Variants in TRIM25 observed in about 807,000 individuals in gnomAD.
TRIM25 encodes the protein tripartite motif containing 25, also known as E3 ubiquitin/ISG15 ligase TRIM25.
TRIM25 carries 45 observed loss-of-function variants against 65.2 expected under a neutral mutation model. The observed-to-expected ratio is 0.69, with a 90% confidence interval of 0.54 to 0.89. The LOEUF is 0.89. Ranked by LOEUF, TRIM25 falls within the 40% of genes least tolerant of loss-of-function variation. The pLI is 0.00. For synonymous variants in TRIM25, 321 were observed against 340.4 expected, an observed-to-expected ratio of 0.94 and a Z score of 0.63; for missense variants, 714 against 803.7, an observed-to-expected ratio of 0.89 and a Z score of 1.35.
Position 56,891,091 on chromosome 17 carries a change from C to T in TRIM25, c.*609G>A, listed in dbSNP as rs566660260. On this transcript the variant is annotated 3_prime_UTR_variant, in exon 9 of 9. Transcript: ENST00000316881. ...ATGGGTGTGCAGGGTAGGAAGGGAA[C>T]GCACTATTTTCCAGTGGAGGAAGAG... 498 of 368,570 alleles carry T rather than the reference C, an allele frequency of 1.4e-3. No homozygotes were observed. The highest frequency in any genetic ancestry group is 2.2e-3 in the Non-Finnish European group (409 of 186,020). The allele number at this position is 368,570 out of a possible 1,614,324, so 22.8% of individuals were successfully genotyped here.
intron 3 of TRIM25, among the ~76,000 whole-genome samples, chr17:56,902,217 A>T (rs1227530646): frequency 6.6e-6 from 1 of 152,214 alleles, no homozygotes; most frequent in East Asian, 1.9e-4. Context: ...GCCTCAGTGC[A>T]CAGAGACAAG....
Position 56,913,838 on chromosome 17 carries a change from G to C in TRIM25, c.151C>G (p.Pro51Ala). ...GCCTGGTAGACGGCGCGGCACTGCG[G>C]GCACAGGTATGGCGAGCCCTGGACT... Reference protein sequence around the residue: ...WAVQGSPYLCPQCRAVYQARP... With the variant: ...WAVQGSPYLCAQCRAVYQARP... The change falls in exon 1 of 9, where the codon CCG (proline) becomes GCG (alanine). Residue 51 changes from proline to alanine, a missense_variant. Physicochemically the swap from Pro to Ala is conservative, Grantham distance 27. Around this residue, in one of 3 missense-constraint regions of TRIM25, gnomAD observed 291 missense variants for 281.8 expected, o/e 1.03. Transcript: ENST00000316881. This position sits in a 1 kb window ranked among gnomAD's most constrained non-coding sequence, Gnocchi z 6.1. 1.9e-6 allele frequency: 3 copies of C among 1,562,416 alleles called. No individual in the cohort carries two copies. Among genetic ancestry groups the C allele is most frequent in the Non-Finnish European group, 1.7e-6 (2 of 1,153,676 alleles).
chr17:56,910,564 C>T (rs1738960541), intron 1 of TRIM25, among the ~76,000 whole-genome samples: 1 of 152,120 alleles, frequency 6.6e-6, no homozygotes, highest in South Asian at 2.1e-4. Context: ...CACCCTGAGC[C>T]CTATATTTTG....
At chr17:56,894,897 G>T (rs1245155903) in intron 8 of TRIM25, among the ~76,000 whole-genome samples, 11 of 152,248 alleles carry the variant, frequency 7.2e-5, no homozygotes, top group African/African-American at 2.7e-4. Flanking sequence ...TCGTGAAGCA[G>T]AAGGTGGGCG....
chr17:56,895,642 G>A lies in TRIM25; in HGVS notation c.1181-38C>T, dbSNP rs201249187. On this transcript the variant is annotated intron_variant, in intron 6 of 8. Coordinates refer to ENST00000316881, the MANE Select transcript of TRIM25 (RefSeq NM_005082.5). Reference sequence around the variant, plus strand: ...AAAGGGAAATATGATACAGAGCAACGGGATGGCCTCTACTCCCTTCCACAC... The same window carrying A: ...AAAGGGAAATATGATACAGAGCAACAGGATGGCCTCTACTCCCTTCCACAC... 160 of 1,526,616 alleles carry A rather than the reference G, an allele frequency of 1.0e-4. No individual in the cohort carries two copies. The Middle Eastern group carries it at 2.5e-3, about 24-fold the overall frequency. 94.6% of individuals were successfully genotyped at this position (1,526,616 alleles called of 1,614,324 possible). A position where few individuals can be genotyped will look rare whatever the true frequency, so the allele number is the denominator to read the frequency against.
intron 2 of TRIM25, among the ~76,000 whole-genome samples, chr17:56,907,674 C>T (rs1350400059): frequency 6.6e-6 from 1 of 152,220 alleles, no homozygotes; most frequent in African/African-American, 2.4e-5. Context: ...CTTTCAGTTT[C>T]TTTCCATGCT....
chr17:56,913,841 A>AC lies in TRIM25; in HGVS notation c.147dup (p.Cys50ValfsTer135). On this transcript the variant is annotated frameshift_variant, in exon 1 of 9. Coordinates refer to ENST00000316881, the MANE Select transcript of TRIM25 (RefSeq NM_005082.5). LOFTEE classifies it high-confidence loss of function. This position sits in a 1 kb window ranked among gnomAD's most constrained non-coding sequence, Gnocchi z 6.1. ...TGGTAGACGGCGCGGCACTGCGGGC[A>AC]CAGGTATGGCGAGCCCTGGACTGCC... 1.3e-6 allele frequency: 2 copies of AC among 1,561,568 alleles called. No homozygotes were observed. Among genetic ancestry groups the AC allele is most frequent in the Non-Finnish European group, 1.7e-6 (2 of 1,153,246 alleles).
intron 8 of TRIM25, among the ~76,000 whole-genome samples, chr17:56,892,779 G>A (rs1909208482): frequency 6.6e-6 from 1 of 152,144 alleles, no homozygotes; most frequent in African/African-American, 2.4e-5. Context: ...ACCAGATTCT[G>A]GCACAAGATG....
chr17:56,892,080 G>A lies in TRIM25; in HGVS notation c.1513C>T (p.His505Tyr). The A allele has an allele frequency of 1.2e-6, 2 of 1,614,160 alleles. No individual in the cohort carries two copies. Among genetic ancestry groups the A allele is most frequent in the South Asian group, 2.2e-5 (2 of 91,078 alleles). ...TAGTGGATCCCCTTCTTGTAGCAGTGCAGGCCCAGCACCTGAGAGCAGTAT... is the reference window on the plus strand; with the variant it reads ...TAGTGGATCCCCTTCTTGTAGCAGTACAGGCCCAGCACCTGAGAGCAGTAT... ...FTYCSQVLGL[H>Y]CYKKGIHYWE... is the part of the protein sequence containing the mutation. Residue 505 changes from histidine to tyrosine, a missense_variant, in exon 9 of 9, where the codon CAC becomes TAC. By Grantham distance (83) the His-to-Tyr change is moderately conservative. Coordinates refer to ENST00000316881, the MANE Select transcript of TRIM25 (RefSeq NM_005082.5).
At chr17:56,912,258 A>G (rs1909644837) in intron 1 of TRIM25, 1 of 152,242 alleles carries the variant, frequency 6.6e-6, no homozygotes, top group Non-Finnish European at 1.5e-5. Flanking sequence ...TGAGGCCACA[A>G]GGGGAAGGTA....
chr17:56,890,638 T>C lies in TRIM25; in HGVS notation c.*1062A>G. 4.4e-6 allele frequency: 2 copies of C among 456,550 alleles called. No individual in the cohort carries two copies. The highest frequency in any genetic ancestry group is 3.1e-5 in the South Asian group (2 of 64,558). The allele number at this position is 456,550 out of a possible 1,614,324, so 28.3% of individuals were successfully genotyped here. A position where few individuals can be genotyped will look rare whatever the true frequency, so the allele number is the denominator to read the frequency against. On this transcript the variant is annotated 3_prime_UTR_variant, in exon 9 of 9. Transcript: ENST00000316881. ...ATAGCCTGTCTGCATGATAGCAGGC[T>C]TCAGGGATCCAGCTTAGCTGGAGGC... is the stretch of plus-strand genomic sequence containing the variant.
intron 1 of TRIM25, among the ~76,000 whole-genome samples, chr17:56,909,353 G>A (rs950000571): frequency 6.6e-6 from 1 of 152,064 alleles, no homozygotes. Context: ...AGAGTCCAAG[G>A]CTCACTGCAG....
Position 56,901,530 on chromosome 17 carries a change from C to G in TRIM25, c.976G>C (p.Glu326Gln), listed in dbSNP as rs1443454128. The change falls in exon 4 of 9, where the codon GAG becomes CAG. Residue 326 changes from glutamate (E) to glutamine (Q), a missense_variant. This residue lies in a region of TRIM25 where 413 missense variants were observed against 498.2 expected (regional missense o/e 0.83). Transcript: ENST00000316881. ...ATCAGCTTGTGGTTCAGTTCCACCTCGGGGATGTAGACTGGCTTTGTTGAG... is the reference window on the plus strand; with the variant it reads ...ATCAGCTTGTGGTTCAGTTCCACCTGGGGGATGTAGACTGGCTTTGTTGAG... ...GISTKPVYIPEVELNHKLIKG... is the reference protein window; with the variant it reads ...GISTKPVYIPQVELNHKLIKG... 6.2e-7 allele frequency: 1 copy of G among 1,613,960 alleles called. No homozygotes were observed. The highest frequency in any genetic ancestry group is 1.3e-5 in the African/African-American group (1 of 74,862).
intron 8 of TRIM25, among the ~76,000 whole-genome samples, 196 bp from the exon 9 acceptor site, chr17:56,892,425 C>T (rs1216643359): frequency 2.0e-5 from 3 of 152,178 alleles, no homozygotes; most frequent in Admixed American, 1.3e-4. Context: ...ATCCATCAAT[C>T]CATCCATGTA....
chr17:56,901,594 G>A lies in TRIM25; in HGVS notation c.928-16C>T, dbSNP rs1909414125. ...TTGATGCTTTCTGGAACATGCCAGG[G>A]GGTTAGTGCAGGCAGCTCTGGTGAA... On this transcript the variant is annotated splice_polypyrimidine_tract_variant and intron_variant, in intron 3 of 8. Coordinates refer to ENST00000316881, the MANE Select transcript of TRIM25 (RefSeq NM_005082.5). The A allele has an allele frequency of 1.2e-6, 2 of 1,613,800 alleles. No homozygotes were observed. Among genetic ancestry groups the A allele is most frequent in the African/African-American group, 1.3e-5 (1 of 74,880 alleles).
Position 56,891,792 on chromosome 17 carries a change from A to G in TRIM25, c.1801T>C (p.Tyr601His), listed in dbSNP as rs1445113718. The change falls in exon 9 of 9, where the codon TAT becomes CAT. Residue 601 changes from tyrosine (Y) to histidine (H), a missense_variant. Transcript: ENST00000316881. The stretch of plus-strand genomic sequence containing the variant: ...TCAGTAAAGTCCACCCTGAACTTAT[A>G]CATCAGGTGGACCTTGTCGGCAACA... ...FAVADKVHLM[Y>H]KFRVDFTEAL... The G allele has an allele frequency of 2.5e-6, 4 of 1,614,244 alleles. No homozygotes were observed. In the South Asian group the frequency reaches 3.3e-5, roughly 13 times the overall value.
At chr17:56,902,543 G>A (rs1909434193) in intron 3 of TRIM25, among the ~76,000 whole-genome samples, 1 of 152,186 alleles carries the variant, frequency 6.6e-6, no homozygotes, top group Non-Finnish European at 1.5e-5. Context: ...GACTCACTAG[G>A]CAAGAATGCC....
Position 56,895,916 on chromosome 17 carries a change from C to A in TRIM25, c.1180+10G>T. The stretch of plus-strand genomic sequence containing the variant: ...CAAGAAACGAACAGTTGCAGAAATG[C>A]ATAACTTACGAGGTTTCTTGGATTT... On this transcript the variant is annotated intron_variant, in intron 6 of 8. Transcript: ENST00000316881. 6.2e-7 allele frequency: 1 copy of A among 1,611,204 alleles called. No individual in the cohort carries two copies. Among genetic ancestry groups the A allele is most frequent in the Non-Finnish European group, 8.5e-7 (1 of 1,179,300 alleles).
intron 3 of TRIM25, among the ~76,000 whole-genome samples, chr17:56,903,856 A>G (rs1467937695): frequency 6.6e-6 from 1 of 152,202 alleles, no homozygotes; most frequent in Non-Finnish European, 1.5e-5. Context: ...TCTGAGAGAC[A>G]GCCAGCAGGA....
Sources: allele counts gnomAD v4.1 joint callset (sites outside exome capture counted in the v4.1 genomes callset), GRCh38; gene constraint gnomAD v4.1.1; regional missense constraint gnomAD v4.1.1; non-coding constraint Gnocchi (gnomAD v3.1); transcripts MANE v1.5; gene names NCBI Gene and HGNC (gene_info 2026-07-23, HGNC 2026-07-21).